The following TRPM3 variants were observed in gnomAD, a reference collection of about 807,000 sequenced individuals.
TRPM3 encodes transient receptor potential cation channel subfamily M member 3, also known as long transient receptor potential channel 3.
A neutral mutation model predicts 181.2 loss-of-function variants in TRPM3; 77 were observed. The observed-to-expected ratio is 0.42, with a 90% CI of 0.35 to 0.51. The LOEUF (loss-of-function observed/expected upper bound fraction) is 0.51. Among genes scored for constraint, TRPM3 ranks in the 20% least tolerant of loss-of-function variants. The pLI, the probability that TRPM3 is intolerant of heterozygous loss-of-function variation, is 0.01. For synonymous variants in TRPM3, 745 were observed against 796.4 expected (o/e 0.94, Z 1.09); for missense variants, 1,759 against 2,196.7 (o/e 0.80, Z 3.98).
At chr9:71,082,472 A>G (rs2064519290) in intron 1 of TRPM3, among the ~76,000 whole-genome samples, 1 of 152,162 alleles carries the variant, frequency 6.6e-6, no homozygotes, top group East Asian at 1.9e-4. Context: ...GGTAAGTTAG[A>G]GCTGTGTTCT....
chr9:70,588,863 C>T (rs2057619654), intron 22 of TRPM3, among the ~76,000 whole-genome samples: 1 of 152,214 alleles, frequency 6.6e-6, no homozygotes, highest in African/African-American at 2.4e-5. Flanking sequence ...GTTCAATGAC[C>T]TTGGCCAAAT....
intron 7 of TRPM3, among the ~76,000 whole-genome samples, chr9:70,767,168 T>C: frequency 6.6e-6 from 1 of 152,138 alleles, no homozygotes; most frequent in African/African-American, 2.4e-5. Context: ...ATCTGGTGAG[T>C]CCGGTGGTGT....
intron 1 of TRPM3, among the ~76,000 whole-genome samples, chr9:71,189,437 C>T (rs1006299023): frequency 6.6e-6 from 1 of 151,834 alleles, no homozygotes; most frequent in Non-Finnish European, 1.5e-5. Flanking sequence ...CATATACACC[C>T]ATCCTTAAGC....
chr9:71,428,400 GT>G (rs200408385), intron 1 of TRPM3, among the ~76,000 whole-genome samples: 25 of 151,598 alleles, frequency 1.6e-4, no homozygotes, highest in African/African-American at 5.3e-4. Context: ...CAGTCAGCCT[GT>G]TTTTTTTAAA....
intron 1 of TRPM3, among the ~76,000 whole-genome samples, chr9:70,970,991 C>T (rs1482807249): frequency 1.3e-5 from 2 of 152,116 alleles, no homozygotes; most frequent in Non-Finnish European, 2.9e-5. Flanking sequence ...CAATCCAAGC[C>T]TAAACTGGTG....
intron 1 of TRPM3, among the ~76,000 whole-genome samples, chr9:71,237,559 C>G (rs1200152905): frequency 6.6e-6 from 1 of 152,090 alleles, no homozygotes; most frequent in African/African-American, 2.4e-5. Context: ...GTACTGCTGA[C>G]AGGATTTAAT....
intron 1 of TRPM3, among the ~76,000 whole-genome samples, chr9:70,930,501 C>G (rs1055854842): frequency 5.3e-5 from 8 of 152,116 alleles, no homozygotes; most frequent in African/African-American, 1.9e-4. Context: ...TATTGACCTA[C>G]TTTGTTTTAC....
At chr9:71,421,288 T>C (rs577904692) in intron 1 of TRPM3, among the ~76,000 whole-genome samples, 1 of 151,866 alleles carries the variant, frequency 6.6e-6, no homozygotes, top group African/African-American at 2.4e-5. Context: ...CAAGATCAAT[T>C]GTACCCCAAA....
At chr9:71,222,887 A>G (rs2080326026) in intron 1 of TRPM3, among the ~76,000 whole-genome samples, 1 of 152,144 alleles carries the variant, frequency 6.6e-6, no homozygotes, top group Non-Finnish European at 1.5e-5. Flanking sequence ...CATGGCAGAG[A>G]TTGGAACTTG....
At chr9:70,977,011 G>A (rs1295903839) in intron 1 of TRPM3, among the ~76,000 whole-genome samples, 2 of 152,192 alleles carry the variant, frequency 1.3e-5, no homozygotes, top group Non-Finnish European at 2.9e-5. Flanking sequence ...AGGAGAGAAA[G>A]ACACAGCAGA....
chr9:71,283,278 T>C (rs1307261415), intron 1 of TRPM3, among the ~76,000 whole-genome samples: 3 of 152,166 alleles, frequency 2.0e-5, no homozygotes, highest in Admixed American at 1.3e-4. Flanking sequence ...TGCTGTAGCA[T>C]GTGTCAGCAT....
At chr9:70,748,457 A>T (rs1419241904) in intron 8 of TRPM3, among the ~76,000 whole-genome samples, 1 of 152,104 alleles carries the variant, frequency 6.6e-6, no homozygotes, top group Non-Finnish European at 1.5e-5. Context: ...CTCCATGTCA[A>T]CTGGTGGATA....
At chr9:70,914,958 C>T (rs537194720) in intron 1 of TRPM3, among the ~76,000 whole-genome samples, 3 of 152,288 alleles carry the variant, frequency 2.0e-5, no homozygotes, top group South Asian at 2.1e-4. Context: ...CTTTTGAATA[C>T]CTGGAAAGCC....
chr9:71,096,918 C>T (rs1240565838), intron 1 of TRPM3, among the ~76,000 whole-genome samples: 2 of 152,132 alleles, frequency 1.3e-5, no homozygotes, highest in East Asian at 3.9e-4. Flanking sequence ...TGGAGTCTAT[C>T]TGATCATCCC....
intron 19 of TRPM3, among the ~76,000 whole-genome samples, chr9:70,606,651 G>GTGTATATATA (rs145779027): frequency 6.2e-4 from 87 of 140,736 alleles, no homozygotes; most frequent in African/African-American, 2.0e-3. Flanking sequence ...GTGTGTGTGT[G>GTGTATATATA]TATATATATA....
At chr9:70,788,272 A>T (rs11142592) in intron 6 of TRPM3, among the ~76,000 whole-genome samples, 25,484 of 148,794 alleles carry the variant, frequency 0.17, 2,380 homozygotes, top group South Asian at 0.28. Context: ...ACCTTAGCTG[A>T]TCATAAGCCT....
chr9:71,338,325 G>A (rs541940004), intron 1 of TRPM3, among the ~76,000 whole-genome samples: 8 of 152,204 alleles, frequency 5.3e-5, no homozygotes, highest in South Asian at 2.1e-4. Context: ...TAATTTAATC[G>A]CCTGCTGGAA....
rs143085605 is a variant in TRPM3 at position 70,547,217 on chromosome 9, C to T, written c.3707+2325G>A. ...TATGAATGTAAAATTATATAATCTACACACTGTATAGAATATACACAGCTA... is the reference window on the plus strand; with the variant it reads ...TATGAATGTAAAATTATATAATCTATACACTGTATAGAATATACACAGCTA... On this transcript the variant is annotated intron_variant, in intron 25 of 25. Transcript: ENST00000677713. Among the ~76,000 whole-genome samples, 428 of 152,234 alleles carry T rather than the reference C, an allele frequency of 2.8e-3. 2 individuals are homozygous for T. Among genetic ancestry groups the T allele is most frequent in the African/African-American group, 9.9e-3 (412 of 41,544 alleles).
chr9:71,330,951 G>T (rs1022160610), intron 1 of TRPM3, among the ~76,000 whole-genome samples: 1 of 151,794 alleles, frequency 6.6e-6, no homozygotes, highest in African/African-American at 2.4e-5. Flanking sequence ...AGACTTGTCT[G>T]GGTCTCAAAA....
Sources: allele counts gnomAD v4.1 joint callset (sites outside exome capture counted in the v4.1 genomes callset), GRCh38; gene constraint gnomAD v4.1.1; transcripts MANE v1.5; gene names NCBI Gene and HGNC (gene_info 2026-07-23, HGNC 2026-07-21).